Variants in SDCCAG8 observed in about 807,000 individuals in gnomAD.
The protein encoded by SDCCAG8 is serologically defined colon cancer antigen 8.
Under a neutral mutation model 101.8 loss-of-function variants are expected in SDCCAG8, and 74 were observed. The observed-to-expected ratio is 0.73, with a 90% CI of 0.60 to 0.88. SDCCAG8 has a LOEUF of 0.88. SDCCAG8 is among the 40% of genes least tolerant of loss of function. The pLI is 0.00. For missense variants in SDCCAG8, 787 were observed against 822.6 expected (o/e 0.96, Z 0.53); for synonymous variants, 281 against 292.9 (o/e 0.96, Z 0.41).
chr1:243,376,914 C>T (rs576569415), intron 12 of SDCCAG8, among the ~76,000 whole-genome samples: 7 of 152,272 alleles, frequency 4.6e-5, no homozygotes, highest in African/African-American at 1.2e-4. Context: ...AAAAATGTAG[C>T]GTTATTAATC....
intron 12 of SDCCAG8, 33 bp from the exon 13 acceptor site, chr1:243,378,688 T>G (rs1320678090): frequency 7.4e-6 from 12 of 1,611,008 alleles, no homozygotes; most frequent in Non-Finnish European, 1.0e-5. Context: ...ATGTATTTTA[T>G]ATGGATGCTT....
intron 4 of SDCCAG8, among the ~76,000 whole-genome samples, chr1:243,284,642 T>C (rs1045645368): frequency 6.6e-6 from 1 of 152,110 alleles, no homozygotes; most frequent in Middle Eastern, 3.2e-3. Context: ...GGATTTCTCT[T>C]TTTTTAGGCC....
intron 16 of SDCCAG8, among the ~76,000 whole-genome samples, chr1:243,473,110 G>T (rs992599960): frequency 6.6e-6 from 1 of 152,082 alleles, no homozygotes; most frequent in Admixed American, 6.5e-5. Flanking sequence ...GGGTGTGTCT[G>T]TAGAAAGCAT....
At chr1:243,423,752 A>C (rs935791161) in intron 15 of SDCCAG8, among the ~76,000 whole-genome samples, 6 of 152,150 alleles carry the variant, frequency 3.9e-5, no homozygotes, top group Non-Finnish European at 8.8e-5. Flanking sequence ...TTTTTTAAAA[A>C]AGCATGAGAG....
chr1:243,382,701 A>T (rs2078032449), intron 13 of SDCCAG8, among the ~76,000 whole-genome samples: 1 of 152,198 alleles, frequency 6.6e-6, no homozygotes, highest in Non-Finnish European at 1.5e-5. Flanking sequence ...GAGCTTTGTG[A>T]AAAATGGATG....
chr1:243,372,726 G>A (rs1172191503), intron 12 of SDCCAG8, among the ~76,000 whole-genome samples: 1 of 151,308 alleles, frequency 6.6e-6, no homozygotes, highest in East Asian at 1.9e-4. Context: ...CAGGCATAGT[G>A]GCTAATGCCT....
intron 11 of SDCCAG8, among the ~76,000 whole-genome samples, chr1:243,343,876 T>G (rs1202151214): frequency 2.6e-5 from 4 of 152,244 alleles, no homozygotes; most frequent in Non-Finnish European, 5.9e-5. Context: ...CTTAACATTT[T>G]AACTACTAAC....
At chr1:243,283,587 C>A (rs1262682783) in intron 4 of SDCCAG8, among the ~76,000 whole-genome samples, 3 of 151,818 alleles carry the variant, frequency 2.0e-5, no homozygotes, top group Non-Finnish European at 4.4e-5. Flanking sequence ...ACTGATGAGC[C>A]TTTCAAAGGC....
chr1:243,258,860 G>T (rs549126213), intron 1 of SDCCAG8, among the ~76,000 whole-genome samples: 25 of 152,044 alleles, frequency 1.6e-4, no homozygotes, highest in Non-Finnish European at 3.7e-4. Context: ...ATTTTGTTTT[G>T]GTTTTGTTGG....
chr1:243,447,675 A>C (rs1293005182), intron 16 of SDCCAG8, among the ~76,000 whole-genome samples: 1 of 152,270 alleles, frequency 6.6e-6, no homozygotes, highest in Non-Finnish European at 1.5e-5. Flanking sequence ...GTTTTGGAAC[A>C]TACTGCATAA....
intron 12 of SDCCAG8, among the ~76,000 whole-genome samples, chr1:243,361,306 G>A (rs1279089374): frequency 1.3e-5 from 2 of 152,246 alleles, no homozygotes; most frequent in East Asian, 3.9e-4. Context: ...ACCAGTTTCC[G>A]AGTACTCCTG....
intron 16 of SDCCAG8, among the ~76,000 whole-genome samples, chr1:243,484,538 A>G (rs1159807690): frequency 2.0e-5 from 3 of 152,242 alleles, no homozygotes; most frequent in Admixed American, 2.0e-4. Flanking sequence ...TGCTCAGCAT[A>G]CGACGATCAT....
Position 243,415,761 on chromosome 1 carries a change from A to G in SDCCAG8, c.1676A>G (p.Gln559Arg). ...AAGGAAGCAAAGGCCCAAGCCCTTCAGGCCCAGCAAAGAGAGCAGGAGCTG... is the reference window on the plus strand; with the variant it reads ...AAGGAAGCAAAGGCCCAAGCCCTTCGGGCCCAGCAAAGAGAGCAGGAGCTG... ...FSKEAKAQAL[Q>R]AQQREQELTQ... Residue 559 changes from glutamine (Q) to arginine (R), a missense_variant, in exon 14 of 18, where the codon CAG becomes CGG. Gln to Arg is a conservative substitution (Grantham distance 43). Coordinates refer to ENST00000366541, the MANE Select transcript of SDCCAG8 (RefSeq NM_006642.5). 6.2e-7 allele frequency: 1 copy of G among 1,613,862 alleles called. No homozygotes were observed. Among genetic ancestry groups the G allele is most frequent in the South Asian group, 1.1e-5 (1 of 91,082 alleles).
chr1:243,471,335 C>T (rs1661222888), intron 16 of SDCCAG8, among the ~76,000 whole-genome samples: 1 of 152,192 alleles, frequency 6.6e-6, no homozygotes, highest in African/African-American at 2.4e-5. Flanking sequence ...GCGGGTACTG[C>T]TTCCCTTTTT....
Position 243,256,064 on chromosome 1 carries a change from C to A in SDCCAG8, c.-110C>A. 1 of 1,005,706 alleles carries A rather than the reference C, an allele frequency of 9.9e-7. No individual in the cohort carries two copies. The highest frequency in any genetic ancestry group is 1.6e-6 in the Non-Finnish European group (1 of 625,828). The allele number at this position is 1,005,706 out of a possible 1,614,324, so 62.3% of individuals were successfully genotyped here. ...GGATTCTAGGCTCCCCTGTGACAGC[C>A]GCGGCAGGAAGCAGGCGGGCGCTCC... On this transcript the variant is annotated 5_prime_UTR_variant, in exon 1 of 18. Transcript: ENST00000366541.
intron 16 of SDCCAG8, among the ~76,000 whole-genome samples, chr1:243,475,045 C>T (rs769673649): frequency 2.4e-4 from 37 of 152,232 alleles, no homozygotes; most frequent in Non-Finnish European, 2.2e-4. Flanking sequence ...TAAAAGGTGG[C>T]ATTCAGCCTG....
At chr1:243,405,272 G>C (rs1393543870) in intron 13 of SDCCAG8, among the ~76,000 whole-genome samples, 8 of 152,118 alleles carry the variant, frequency 5.3e-5, no homozygotes. Context: ...GCACTTTTCT[G>C]TGCAGCATCT....
chr1:243,313,301 A>G (rs1459153460), intron 8 of SDCCAG8, among the ~76,000 whole-genome samples: 3 of 152,232 alleles, frequency 2.0e-5, no homozygotes, highest in Non-Finnish European at 2.9e-5. Flanking sequence ...TAACTGGAGT[A>G]ATTTAGAAAT....
chr1:243,457,523 G>A (rs1055601554), intron 16 of SDCCAG8, among the ~76,000 whole-genome samples: 1 of 152,128 alleles, frequency 6.6e-6, no homozygotes, highest in Non-Finnish European at 1.5e-5. Context: ...TCCCATTATT[G>A]ACTAGCATCA....
Sources: allele counts gnomAD v4.1 joint callset (sites outside exome capture counted in the v4.1 genomes callset), GRCh38; gene constraint gnomAD v4.1.1; transcripts MANE v1.5; gene names NCBI Gene and HGNC (gene_info 2026-07-23, HGNC 2026-07-21).